C1QTNF3: variants seen among roughly 807,000 people sequenced by gnomAD.
C1QTNF3 encodes the protein complement C1q tumor necrosis factor-related protein 3.
In C1QTNF3, 26 loss-of-function variants were observed where a neutral mutation model predicts 32.6. The observed-to-expected ratio is 0.80, with a 90% CI of 0.58 to 1.11. C1QTNF3 has a LOEUF of 1.11. C1QTNF3 is among the 50% of genes least tolerant of loss of function. C1QTNF3 has a pLI of 0.00. For missense variants in C1QTNF3, 362 were observed against 398.2 expected (o/e 0.91, Z 0.77); for synonymous variants, 155 against 146.0 (o/e 1.06, Z -0.44).
the C1QTNF3 span, among the ~76,000 whole-genome samples, chr5:34,064,865 C>T: frequency 3.9e-4 from 60 of 152,208 alleles, 2 homozygotes; most frequent in South Asian, 8.3e-4. Context: ...ATCTACATTG[C>T]GGTGTGTAAA....
the C1QTNF3 span, among the ~76,000 whole-genome samples, chr5:34,162,894 C>G: frequency 6.6e-6 from 1 of 152,092 alleles, no homozygotes; most frequent in Admixed American, 6.6e-5. Flanking sequence ...CCTGACTTGC[C>G]TACCCTTTTC....
the C1QTNF3 span, among the ~76,000 whole-genome samples, chr5:34,178,383 T>C: frequency 2.0e-5 from 3 of 152,326 alleles, no homozygotes; most frequent in Admixed American, 2.0e-4. Flanking sequence ...AGAAGTGTCA[T>C]TCTGTAAGCA....
chr5:34,135,016 G>C, the C1QTNF3 span, among the ~76,000 whole-genome samples: 7 of 152,194 alleles, frequency 4.6e-5, no homozygotes, highest in Non-Finnish European at 8.8e-5. Flanking sequence ...CAAAGGGAAT[G>C]CTTCCAGTTT....
the C1QTNF3 span, among the ~76,000 whole-genome samples, chr5:34,133,504 G>A: frequency 5.9e-5 from 9 of 152,276 alleles, no homozygotes; most frequent in Middle Eastern, 3.4e-3. Flanking sequence ...AAAGTGCTGC[G>A]GGGAATGTGG....
the C1QTNF3 span, among the ~76,000 whole-genome samples, chr5:34,234,188 T>C: frequency 6.6e-6 from 1 of 152,154 alleles, no homozygotes; most frequent in East Asian, 1.9e-4. Context: ...GCTAGCTTTG[T>C]GTCATATCTA....
the C1QTNF3 span, among the ~76,000 whole-genome samples, chr5:34,177,331 G>T: frequency 1.4e-4 from 21 of 152,006 alleles, no homozygotes; most frequent in Non-Finnish European, 2.8e-4. Flanking sequence ...GTTCTTTTTT[G>T]AAACAAGGTC....
At position 34,017,918 on chromosome 5, in the gene C1QTNF3, TA is replaced by T. The variant is rs11343903; in HGVS notation, c.*2664del. Reference sequence around the variant, plus strand: ...AATGCTCATGACATATTATTTGTAATAAAAAAAAAATAATATTTTCCAAAAC... The same window carrying T: ...AATGCTCATGACATATTATTTGTAATAAAAAAAAATAATATTTTCCAAAAC... On this transcript the variant is annotated 3_prime_UTR_variant, in exon 6 of 6. Coordinates refer to ENST00000382065, the MANE Select transcript of C1QTNF3 (RefSeq NM_181435.6). 0.58 allele frequency among the ~76,000 whole-genome samples: 87,643 copies of T among 150,798 alleles called. 25,924 individuals are homozygous for T. The highest frequency in any genetic ancestry group is 0.86 in the South Asian group (4,133 of 4,794).
At chr5:34,137,663 C>A in the C1QTNF3 span, among the ~76,000 whole-genome samples, 1 of 152,208 alleles carries the variant, frequency 6.6e-6, no homozygotes, top group Non-Finnish European at 1.5e-5. Context: ...TTCATGTGTT[C>A]AGATATACAG....
In C1QTNF3 at chr5:34,042,849, CT is replaced by C. The variant is rs758481865; in HGVS notation, c.276del (p.Ala93ProfsTer132). 3.3e-4 allele frequency: 530 copies of C among 1,614,090 alleles called. 2 individuals carry two copies. The highest frequency in any genetic ancestry group is 2.6e-3 in the South Asian group (234 of 91,074). On this transcript the variant is annotated frameshift_variant, in exon 1 of 6. Transcript: ENST00000382065. LOFTEE classifies it high-confidence loss of function. ...TGGCCCCAGAATGTGGTGATCTGGG[CT>C]AGGTCATCTACCTCGGGGTGCGGTA... ...DELPHPEVDD[L>X]AQITTFWGQS...
chr5:34,107,555 T>C, the C1QTNF3 span, among the ~76,000 whole-genome samples: 77 of 151,982 alleles, frequency 5.1e-4, no homozygotes, highest in African/African-American at 1.7e-3. Context: ...AGAAAATTAA[T>C]TATTAATTAA....
In C1QTNF3 at chr5:34,020,762, C is replaced by T. The variant is rs746875213; in HGVS notation, c.801-20G>A. 1 of 1,606,142 alleles carries T rather than the reference C, an allele frequency of 6.2e-7. No homozygotes were observed. Among genetic ancestry groups the T allele is most frequent in the Non-Finnish European group, 8.5e-7 (1 of 1,174,336 alleles). ...TCATAGCTGGAAAGAAAAAGAGGAA[C>T]AAACTACTTAGTTTTTGCCATGAAC... On this transcript the variant is annotated intron_variant, in intron 5 of 5. Transcript: ENST00000382065.
At chr5:34,179,827 G>A in the C1QTNF3 span, among the ~76,000 whole-genome samples, 1 of 152,288 alleles carries the variant, frequency 6.6e-6, no homozygotes, top group African/African-American at 2.4e-5. Flanking sequence ...CAGGTAGTGC[G>A]AGGTGGGAGG....
At chr5:34,122,570 T>C in the C1QTNF3 span, among the ~76,000 whole-genome samples, 20 of 152,144 alleles carry the variant, frequency 1.3e-4, no homozygotes, top group African/African-American at 4.8e-4. Flanking sequence ...CTGCTGATAG[T>C]AAAATATGCA....
the C1QTNF3 span, among the ~76,000 whole-genome samples, chr5:34,081,770 A>C: frequency 6.6e-6 from 1 of 151,632 alleles, no homozygotes; most frequent in African/African-American, 2.4e-5. Flanking sequence ...TAAGTCATGC[A>C]TTTAGTTCCC....
At chr5:34,102,315 T>C in the C1QTNF3 span, among the ~76,000 whole-genome samples, 1 of 152,160 alleles carries the variant, frequency 6.6e-6, no homozygotes, top group South Asian at 2.1e-4. Context: ...TTTATTCTAA[T>C]AACACAGAAT....
At chr5:34,108,481 T>C in the C1QTNF3 span, among the ~76,000 whole-genome samples, 1 of 152,062 alleles carries the variant, frequency 6.6e-6, no homozygotes, top group Non-Finnish European at 1.5e-5. Context: ...CTTCAGAAAA[T>C]TGGTAAAAGG....
chr5:34,032,546 C>T (rs529010617), intron 3 of C1QTNF3, among the ~76,000 whole-genome samples: 2 of 152,284 alleles, frequency 1.3e-5, no homozygotes, highest in African/African-American at 4.8e-5. Context: ...GTAATCCCAG[C>T]ACTTTTTTGG....
the C1QTNF3 span, among the ~76,000 whole-genome samples, chr5:34,127,322 T>A: frequency 3.3e-5 from 5 of 152,094 alleles, no homozygotes; most frequent in African/African-American, 1.2e-4. Flanking sequence ...AGAGACTTGT[T>A]GAATAGTTTT....
intron 5 of C1QTNF3, among the ~76,000 whole-genome samples, chr5:34,023,326 G>A (rs1754387896): frequency 6.6e-6 from 1 of 152,178 alleles, no homozygotes; most frequent in Non-Finnish European, 1.5e-5. Flanking sequence ...GCATGTTAGA[G>A]TAACTGGATC....
Sources: gnomAD v4.1 joint callset for allele counts (sites outside exome capture counted in the v4.1 genomes callset) on GRCh38, gnomAD v4.1.1 for gene constraint, MANE v1.5 for transcripts, NCBI Gene and HGNC (gene_info 2026-07-23, HGNC 2026-07-21) for gene names.